Variants in UBAP2L observed in about 807,000 individuals in gnomAD.
UBAP2L encodes the protein ubiquitin associated protein 2 like.
UBAP2L carries 12 observed loss-of-function variants against 130.6 expected under a neutral mutation model. That is an observed-to-expected ratio of 0.09 (90% CI 0.06 to 0.15). The LOEUF (loss-of-function observed/expected upper bound fraction) is 0.15, where lower values mean the gene tolerates loss of function less well. Ranked by LOEUF, UBAP2L falls within the 10% of genes least tolerant of loss-of-function variation. The pLI is 1.00. For synonymous variants in UBAP2L, 503 were observed against 524.7 expected (o/e 0.96, Z 0.57); for missense variants, 965 against 1,332.5 (o/e 0.72, Z 4.29).
intron 22 of UBAP2L, 34 bp downstream of exon 22, chr1:154,260,063 G>T (rs1190147562): frequency 6.2e-7 from 1 of 1,603,644 alleles, no homozygotes; most frequent in Non-Finnish European, 8.5e-7. Flanking sequence ...AAATAAAAAG[G>T]GAGATAGTGT....
intron 24 of UBAP2L, among the ~76,000 whole-genome samples, chr1:154,264,160 T>C (rs1211656837): frequency 2.0e-5 from 3 of 152,218 alleles, no homozygotes; most frequent in Non-Finnish European, 4.4e-5. Context: ...TAGCCCTTTG[T>C]TTATAAAGTT....
upstream of UBAP2L, chr1:154,220,459 G>A: frequency 1.2e-6 from 2 of 1,608,180 alleles, no homozygotes; most frequent in Non-Finnish European, 1.7e-6. Context: ...TGTCCTGGCT[G>A]GTCAGCCCAG....
chr1:154,236,907 G>T, intron 7 of UBAP2L, 117 bp from the exon 8 acceptor site: 1 of 786,118 alleles, frequency 1.3e-6, no homozygotes, highest in Non-Finnish European at 2.1e-6. Flanking sequence ...CAGGATTATA[G>T]AATGGGGCCA....
intron 26 of UBAP2L, chr1:154,269,283 T>C: frequency 1.5e-6 from 2 of 1,319,152 alleles, no homozygotes. Flanking sequence ...CCCTGACATT[T>C]TAGCTTTCCC....
At chr1:154,220,529 G>A, upstream of UBAP2L, 2 of 1,072,364 alleles carry the variant, frequency 1.9e-6, no homozygotes, top group East Asian at 2.4e-5. Context: ...TCCTTACGGG[G>A]GAAGACCAAG....
chr1:154,263,393 A>C, intron 24 of UBAP2L: 4 of 1,305,770 alleles, frequency 3.1e-6, no homozygotes, highest in Non-Finnish European at 3.9e-6. Flanking sequence ...AGCACCTTCG[A>C]AGCATCAATG....
At chr1:154,220,236 T>C (rs750347960), upstream of UBAP2L, 27 of 1,362,758 alleles carry the variant, frequency 2.0e-5, no homozygotes, top group African/African-American at 2.9e-5. Flanking sequence ...AAAGCCCGGA[T>C]AGGCGCAGGT....
rs59297689 is a variant in UBAP2L at position 154,230,610 on chromosome 1, C to G, written c.279+1885C>G. ...GGGCTATTTATGTTTTTTTAAAAGT[C>G]TGAATGTTTTTTCGCAAATCACATT... On this transcript the variant is annotated intron_variant, in intron 4 of 26. Transcript: ENST00000428931. Among the ~76,000 whole-genome samples the G allele has an allele frequency of 8.0e-3, 1,224 of 152,188 alleles. 12 individuals are homozygous for G. Among genetic ancestry groups the G allele is most frequent in the African/African-American group, 0.028 (1,143 of 41,482 alleles).
At chr1:154,225,728 C>G (rs1054088886) in intron 2 of UBAP2L, among the ~76,000 whole-genome samples, 1 of 152,180 alleles carries the variant, frequency 6.6e-6, no homozygotes, top group Admixed American at 6.5e-5. Flanking sequence ...CTGCCCGGCT[C>G]TATAACTCTT....
Position 154,251,190 on chromosome 1 carries a change from C to T in UBAP2L, c.1363C>T (p.Pro455Ser), listed in dbSNP as rs747651807. The change falls in exon 13 of 27, where the codon CCT (proline) becomes TCT (serine). Residue 455 changes from proline to serine, a missense_variant. Physicochemically the swap from Pro to Ser is moderately conservative, Grantham distance 74. This residue lies in a region of UBAP2L where 74 missense variants were observed against 97.1 expected (regional missense o/e 0.76). Transcript: ENST00000428931. ...AGCTGCACCTCCACCTCCGTCTTCT[C>T]CTCTGCCAAGCAAATCCACATCGGC... ...STAAPPPPSS[P>S]LPSKSTSAPQ... The T allele has an allele frequency of 1.7e-5, 28 of 1,614,048 alleles. No homozygotes were observed. Among genetic ancestry groups the T allele is most frequent in the Non-Finnish European group, 1.9e-5 (23 of 1,180,038 alleles).
chr1:154,220,441 T>C, upstream of UBAP2L: 2 of 1,613,524 alleles, frequency 1.2e-6, no homozygotes, highest in Non-Finnish European at 8.5e-7. Flanking sequence ...TGTTCGGGTT[T>C]ACCCCGCTGT....
At position 154,227,807 on chromosome 1, in the gene UBAP2L, C is replaced by CA. The variant is rs1159855069; in HGVS notation, c.168+451dup. Among the ~76,000 whole-genome samples the CA allele has an allele frequency of 1.3e-5, 2 of 152,138 alleles. 1 individual carries two copies. The highest frequency in any genetic ancestry group is 2.9e-5 in the Non-Finnish European group (2 of 68,030). Reference sequence around the variant, plus strand: ...AAGTGATCTGCCTGCCTCAGCCTCCCAAAGTGCTGGGATTACAGGTGTGAG... The same window carrying CA: ...AAGTGATCTGCCTGCCTCAGCCTCCCAAAAGTGCTGGGATTACAGGTGTGAG... On this transcript the variant is annotated intron_variant, in intron 3 of 26. Transcript: ENST00000428931.
intron 23 of UBAP2L, 79 bp downstream of exon 23, chr1:154,261,188 A>T: frequency 6.9e-7 from 1 of 1,439,774 alleles, no homozygotes; most frequent in South Asian, 1.3e-5. Flanking sequence ...TTAAGGGTCA[A>T]TGACTTTAAT....
chr1:154,238,333 T>G (rs189790699), intron 8 of UBAP2L, among the ~76,000 whole-genome samples: 1 of 152,348 alleles, frequency 6.6e-6, no homozygotes, highest in Non-Finnish European at 1.5e-5. Flanking sequence ...TCGGAGGCAT[T>G]AGAACTGTTC....
upstream of UBAP2L, chr1:154,220,296 CT>C (rs1375753392): frequency 6.2e-7 from 1 of 1,608,636 alleles, no homozygotes; most frequent in Non-Finnish European, 8.5e-7. Flanking sequence ...AGGGTCTCTA[CT>C]GGGTAAGATG....
chr1:154,254,974 G>A, intron 16 of UBAP2L, 84 bp downstream of exon 16: 1 of 1,492,090 alleles, frequency 6.7e-7, no homozygotes, highest in Non-Finnish European at 9.1e-7. Flanking sequence ...CCCTTCACTG[G>A]ACAATTGAGA....
At chr1:154,229,262 C>G (rs1383932443) in intron 4 of UBAP2L, among the ~76,000 whole-genome samples, 1 of 152,136 alleles carries the variant, frequency 6.6e-6, no homozygotes, top group Non-Finnish European at 1.5e-5. Flanking sequence ...GCTGACCATC[C>G]CTGGAGATGA....
intron 24 of UBAP2L, chr1:154,263,290 G>T: frequency 8.8e-6 from 13 of 1,477,598 alleles, no homozygotes; most frequent in Non-Finnish European, 1.2e-5. Context: ...TGAGTTGGTG[G>T]ATACCTTCTG....
At chr1:154,253,171 T>C (rs1441662632) in intron 14 of UBAP2L, among the ~76,000 whole-genome samples, 2 of 151,828 alleles carry the variant, frequency 1.3e-5, no homozygotes, top group East Asian at 3.9e-4. Flanking sequence ...GCCTGGCTAT[T>C]TTTTGTATTT....
Sources: gnomAD v4.1 joint callset for allele counts (sites outside exome capture counted in the v4.1 genomes callset) on GRCh38, gnomAD v4.1.1 for gene constraint, gnomAD v4.1.1 regional missense constraint, MANE v1.5 for transcripts, NCBI Gene and HGNC (gene_info 2026-07-23, HGNC 2026-07-21) for gene names.